The following ARHGAP42 variants were observed in gnomAD, a reference collection of about 807,000 sequenced individuals.
The protein encoded by ARHGAP42 is Rho GTPase activating protein 42.
In ARHGAP42, 63 loss-of-function variants were observed where a neutral mutation model predicts 125.0. The ratio of observed to expected loss-of-function variants is 0.50; its 90% confidence interval spans 0.41 to 0.62. ARHGAP42 has a LOEUF of 0.62. Ranked by LOEUF, ARHGAP42 falls within the 20% of genes least tolerant of loss-of-function variation. The pLI, the probability that ARHGAP42 is intolerant of heterozygous loss-of-function variation, is 0.00. For missense variants in ARHGAP42, 766 were observed against 1,024.2 expected, an observed-to-expected ratio of 0.75 and a Z score of 3.44; for synonymous variants, 339 against 351.0, an observed-to-expected ratio of 0.97 and a Z score of 0.38.
At chr11:100,891,168 A>G (rs750051573) in intron 4 of ARHGAP42, among the ~76,000 whole-genome samples, 1 of 152,108 alleles carries the variant, frequency 6.6e-6, no homozygotes, top group Non-Finnish European at 1.5e-5. Flanking sequence ...GGTTTCAAAC[A>G]TATGTTTCAT....
At chr11:100,973,138 T>C (rs1198372220) in intron 17 of ARHGAP42, 37 bp from the exon 18 acceptor site, 18 of 1,473,512 alleles carry the variant, frequency 1.2e-5, no homozygotes, top group Middle Eastern at 2.3e-4. Context: ...TTTTGAAACA[T>C]ATAACTTAAG....
chr11:100,935,363 C>CA (rs1163849580), intron 7 of ARHGAP42, among the ~76,000 whole-genome samples: 1 of 152,126 alleles, frequency 6.6e-6, no homozygotes, highest in Non-Finnish European at 1.5e-5. Flanking sequence ...TTTATACACT[C>CA]ACCTCTTAAT....
intron 22 of ARHGAP42, among the ~76,000 whole-genome samples, chr11:100,979,760 G>T (rs1399283171): frequency 6.6e-6 from 1 of 151,376 alleles, no homozygotes; most frequent in Non-Finnish European, 1.5e-5. Context: ...GCCTATTGTT[G>T]AAAGAGCATA....
At chr11:100,835,793 T>A (rs1030336481) in intron 3 of ARHGAP42, among the ~76,000 whole-genome samples, 3 of 152,034 alleles carry the variant, frequency 2.0e-5, no homozygotes, top group Non-Finnish European at 4.4e-5. Flanking sequence ...TCCCCCCTTA[T>A]ACAATTGGTA....
chr11:100,731,369 G>A (rs1861955132), intron 1 of ARHGAP42, among the ~76,000 whole-genome samples: 1 of 152,078 alleles, frequency 6.6e-6, no homozygotes, highest in Admixed American at 6.6e-5. Flanking sequence ...ATGTTGGCCA[G>A]GGTGGTCTCG....
chr11:100,811,618 G>T (rs1339784156), intron 3 of ARHGAP42, among the ~76,000 whole-genome samples: 6 of 151,438 alleles, frequency 4.0e-5, no homozygotes, highest in African/African-American at 1.5e-4. Context: ...TTCTGCCTTA[G>T]CCTCCTGAGT....
At chr11:100,837,049 T>G (rs1864805164) in intron 3 of ARHGAP42, among the ~76,000 whole-genome samples, 1 of 152,108 alleles carries the variant, frequency 6.6e-6, no homozygotes, top group Non-Finnish European at 1.5e-5. Context: ...GCTAAAATAT[T>G]TACATTTTCT....
At position 100,761,132 on chromosome 11, in the gene ARHGAP42, G is replaced by GA. The variant is rs373773623; in HGVS notation, c.155-9201dup. 9.3e-3 allele frequency among the ~76,000 whole-genome samples: 1,371 copies of GA among 146,868 alleles called. 14 individuals carry two copies. Among genetic ancestry groups the GA allele is most frequent in the African/African-American group, 0.032 (1,297 of 40,136 alleles). On this transcript the variant is annotated intron_variant, in intron 1 of 23. Transcript: ENST00000298815. ...GGGTAACTTAGTATTTGTAGTTAAA[G>GA]AAAAAAAAAAGGTAAAGGAGATACT...
chr11:100,692,225 A>AC (rs1412252650), intron 1 of ARHGAP42, among the ~76,000 whole-genome samples: 2 of 152,070 alleles, frequency 1.3e-5, no homozygotes, highest in African/African-American at 4.8e-5. Context: ...TGATCAAAGG[A>AC]AAAAAAAGAT....
At chr11:100,852,516 G>C (rs938602642) in intron 3 of ARHGAP42, among the ~76,000 whole-genome samples, 1 of 152,136 alleles carries the variant, frequency 6.6e-6, no homozygotes, top group Admixed American at 6.6e-5. Flanking sequence ...AGCATTAAGC[G>C]GGAGGAAGGG....
At chr11:100,960,396 T>G (rs7130581) in intron 13 of ARHGAP42, among the ~76,000 whole-genome samples, 89,356 of 151,732 alleles carry the variant, frequency 0.59, 27,091 homozygotes, top group African/African-American at 0.68. Flanking sequence ...CCAGTTAAAC[T>G]TTAAACTCAC....
chr11:100,959,384 A>G (rs1857896484), intron 12 of ARHGAP42, among the ~76,000 whole-genome samples: 5 of 152,088 alleles, frequency 3.3e-5, no homozygotes, highest in Admixed American at 3.3e-4. Flanking sequence ...GCGTAGAATC[A>G]GACCCGAGTT....
At chr11:100,690,891 C>A (rs754937461) in intron 1 of ARHGAP42, among the ~76,000 whole-genome samples, 3 of 152,140 alleles carry the variant, frequency 2.0e-5, no homozygotes, top group African/African-American at 7.2e-5. Context: ...TGAGCCACCG[C>A]GCCCGGCCAA....
Position 100,897,767 on chromosome 11 carries a change from A to G in ARHGAP42, c.385-15685A>G, listed in dbSNP as rs554139423. Reference sequence around the variant, plus strand: ...TGAGACGATGGGGTTTTCTAAGTATACAGTCATGTCATCTGCAAACAGGGA... The same window carrying G: ...TGAGACGATGGGGTTTTCTAAGTATGCAGTCATGTCATCTGCAAACAGGGA... On this transcript the variant is annotated intron_variant, in intron 4 of 23. Coordinates refer to ENST00000298815, the MANE Select transcript of ARHGAP42 (RefSeq NM_152432.4). Among the ~76,000 whole-genome samples, 30 of 152,332 alleles carry G rather than the reference A, an allele frequency of 2.0e-4. No homozygotes were observed. In the South Asian group the frequency reaches 5.2e-3, roughly 26 times the overall value.
chr11:100,829,812 C>T (rs1048160595), intron 3 of ARHGAP42, among the ~76,000 whole-genome samples: 1 of 152,196 alleles, frequency 6.6e-6, no homozygotes, highest in Non-Finnish European at 1.5e-5. Context: ...TTATAAATCA[C>T]ATGAGCAAAA....
intron 3 of ARHGAP42, among the ~76,000 whole-genome samples, chr11:100,841,417 G>A (rs1333759329): frequency 6.6e-6 from 1 of 151,962 alleles, no homozygotes; most frequent in Non-Finnish European, 1.5e-5. Context: ...TCTTTGCAGT[G>A]ACAGTGGCTT....
intron 19 of ARHGAP42, 55 bp from the exon 20 acceptor site, chr11:100,976,002 C>G: frequency 6.9e-7 from 1 of 1,449,490 alleles, no homozygotes; most frequent in Non-Finnish European, 9.1e-7. Flanking sequence ...TTTGGTGATG[C>G]TGTTATCAAT....
intron 1 of ARHGAP42, among the ~76,000 whole-genome samples, chr11:100,711,367 T>C (rs1272640914): frequency 6.6e-6 from 1 of 152,186 alleles, no homozygotes; most frequent in Non-Finnish European, 1.5e-5. Flanking sequence ...ATCTTCTCTG[T>C]TTGTTTTTTG....
intron 1 of ARHGAP42, among the ~76,000 whole-genome samples, chr11:100,747,259 G>A (rs1295424769): frequency 2.0e-5 from 3 of 152,062 alleles, no homozygotes; most frequent in Non-Finnish European, 4.4e-5. Flanking sequence ...ATTTTCTTTA[G>A]CACCTATCTT....
Sources: allele counts gnomAD v4.1 joint callset (sites outside exome capture counted in the v4.1 genomes callset), GRCh38; gene constraint gnomAD v4.1.1; transcripts MANE v1.5; gene names NCBI Gene and HGNC (gene_info 2026-07-23, HGNC 2026-07-21).